The following UMAD1 variants were observed in gnomAD, a reference collection of about 807,000 sequenced individuals.
UMAD1 encodes the protein UBAP1-MVB12-associated (UMA)-domain containing protein 1.
UMAD1 carries 8 observed loss-of-function variants against 6.1 expected under a neutral mutation model. The ratio of observed to expected loss-of-function variants is 1.30; its 90% confidence interval spans 0.76 to 2.35. The LOEUF (loss-of-function observed/expected upper bound fraction) is 2.35. Among genes scored for constraint, UMAD1 ranks in the 30% most tolerant of loss-of-function variants. UMAD1 has a pLI of 0.00. For synonymous variants in UMAD1, 56 were observed against 31.4 expected (o/e 1.78, Z -2.61); for missense variants, 130 against 78.4 (o/e 1.66, Z -2.49).
intron 2 of UMAD1, among the ~76,000 whole-genome samples, chr7:7,676,574 T>G (rs1287890065): frequency 1.3e-5 from 2 of 152,220 alleles, no homozygotes; most frequent in Non-Finnish European, 2.9e-5. Context: ...TCTCTACAAT[T>G]GAAAAGAGAA....
intron 1 of UMAD1, among the ~76,000 whole-genome samples, chr7:7,657,897 T>C (rs2115085232): frequency 6.6e-6 from 1 of 152,352 alleles, no homozygotes; most frequent in Middle Eastern, 3.4e-3. Flanking sequence ...GTAAATTACT[T>C]TGGGCAGTAT....
In UMAD1 at chr7:7,673,349, C is replaced by T. The variant is rs988560337; in HGVS notation, c.-23C>T. 4 of 1,276,496 alleles carry T rather than the reference C, an allele frequency of 3.1e-6. No individual in the cohort carries two copies. The highest frequency in any genetic ancestry group is 1.5e-5 in the African/African-American group (1 of 65,612). The allele number at this position is 1,276,496 out of a possible 1,614,324, so 79.1% of individuals were successfully genotyped here. ...GCAGCAGCAGCAGCAGCAGCAGCAG[C>T]AGCAGCAGCAGCAGCAGCAGCAATG... On this transcript the variant is annotated 5_prime_UTR_variant, in exon 2 of 4. Coordinates refer to ENST00000682710, the MANE Select transcript of UMAD1 (RefSeq NM_001302348.2).
chr7:7,736,399 T>C (rs760756696), intron 2 of UMAD1: 4 of 153,074 alleles, frequency 2.6e-5, no homozygotes, highest in African/African-American at 4.8e-5. Flanking sequence ...TTGATGAAGG[T>C]GGGTTTAAAT....
chr7:7,680,396 A>G (rs1246545216), intron 2 of UMAD1, among the ~76,000 whole-genome samples: 1 of 152,050 alleles, frequency 6.6e-6, no homozygotes, highest in African/African-American at 2.4e-5. Context: ...CCATTCGTCC[A>G]TGTGTCTGTT....
At chr7:7,819,323 C>T (rs1783197566) in intron 3 of UMAD1, among the ~76,000 whole-genome samples, 1 of 152,184 alleles carries the variant, frequency 6.6e-6, no homozygotes, top group East Asian at 1.9e-4. Flanking sequence ...AATTTTAAGC[C>T]CCCATTTTTG....
chr7:7,764,423 A>G (rs1207115974), intron 2 of UMAD1, among the ~76,000 whole-genome samples: 6 of 152,258 alleles, frequency 3.9e-5, no homozygotes, highest in African/African-American at 1.4e-4. Context: ...TAGTAAGGCA[A>G]TATGAAGTTA....
At chr7:7,749,447 A>G (rs1781636792) in intron 2 of UMAD1, among the ~76,000 whole-genome samples, 1 of 152,184 alleles carries the variant, frequency 6.6e-6, no homozygotes, top group African/African-American at 2.4e-5. Flanking sequence ...TTTGAGGAAC[A>G]TTAGTTAATG....
At chr7:7,762,785 A>G (rs151111195) in intron 2 of UMAD1, among the ~76,000 whole-genome samples, 3 of 152,096 alleles carry the variant, frequency 2.0e-5, no homozygotes, top group African/African-American at 4.8e-5. Context: ...TGCACACTTA[A>G]CTCTTCACTT....
chr7:7,690,079 C>T (rs1356296524), intron 2 of UMAD1, among the ~76,000 whole-genome samples: 3 of 151,998 alleles, frequency 2.0e-5, no homozygotes, highest in East Asian at 1.9e-4. Flanking sequence ...ATTTTCCCAC[C>T]CATTTGATTT....
chr7:7,877,250 G>T (rs1319261385), intron 3 of UMAD1, 31 bp from the exon 4 acceptor site: 1 of 702,574 alleles, frequency 1.4e-6, no homozygotes. Flanking sequence ...AGTTCACAAG[G>T]CCTAAATGTT....
chr7:7,761,363 T>TA (rs375910269), intron 2 of UMAD1, among the ~76,000 whole-genome samples: 9,753 of 121,110 alleles, frequency 0.081, 868 homozygotes, highest in African/African-American at 0.19. Flanking sequence ...GAGACCTAAC[T>TA]AAAAAAAAAA....
At chr7:7,653,173 A>C (rs1240126231) in intron 1 of UMAD1, among the ~76,000 whole-genome samples, 1 of 152,218 alleles carries the variant, frequency 6.6e-6, no homozygotes, top group Non-Finnish European at 1.5e-5. Context: ...TGCAACACCA[A>C]ATGAAGTTGC....
intron 1 of UMAD1, among the ~76,000 whole-genome samples, chr7:7,649,481 G>A (rs538082536): frequency 6.6e-6 from 1 of 152,326 alleles, no homozygotes; most frequent in South Asian, 2.1e-4. Context: ...TGGCAATTAA[G>A]TTTCTAACAC....
chr7:7,793,988 ATGCTAAAG>A (rs1782619297), intron 2 of UMAD1, among the ~76,000 whole-genome samples: 1 of 152,176 alleles, frequency 6.6e-6, no homozygotes, highest in South Asian at 2.1e-4. Flanking sequence ...AATTTCTTAG[ATGCTAAAG>A]TGCATTAGGA....
At chr7:7,676,031 C>A in intron 2 of UMAD1, 1 of 397,842 alleles carries the variant, frequency 2.5e-6, no homozygotes, top group South Asian at 1.3e-4. Flanking sequence ...CAGTCAGCAT[C>A]ATGTCTCAGC....
At chr7:7,834,376 A>T (rs143939329) in intron 3 of UMAD1, among the ~76,000 whole-genome samples, 238 of 152,118 alleles carry the variant, frequency 1.6e-3, no homozygotes, top group African/African-American at 5.5e-3. Flanking sequence ...TAAATTTCCT[A>T]TCCTATTTCC....
chr7:7,719,889 G>A (rs530788211), intron 2 of UMAD1, among the ~76,000 whole-genome samples: 1 of 152,218 alleles, frequency 6.6e-6, no homozygotes, highest in African/African-American at 2.4e-5. Context: ...GTGTTTAAGT[G>A]GTACACTAAC....
intron 3 of UMAD1, among the ~76,000 whole-genome samples, chr7:7,836,570 T>C (rs1378193241): frequency 6.6e-6 from 1 of 151,994 alleles, no homozygotes; most frequent in Non-Finnish European, 1.5e-5. Flanking sequence ...AGGTCTCAGA[T>C]ATTGGTATAT....
rs1783061695 is a variant in UMAD1, at chr7:7,813,379, A to T, written c.156+11636A>T. On this transcript the variant is annotated intron_variant, in intron 3 of 3. Transcript: ENST00000682710. ...GACACCACGCCTGGCTAATTTTTGT[A>T]TTTTTTAGTAGAGACAGGGTTTCAC... is the stretch of plus-strand genomic sequence containing the variant. Among the ~76,000 whole-genome samples, 5 of 151,980 alleles carry T rather than the reference A, an allele frequency of 3.3e-5. No homozygotes were observed. The South Asian group carries it at 1.0e-3, about 32-fold the overall frequency.
Sources: gnomAD v4.1 joint callset for allele counts (sites outside exome capture counted in the v4.1 genomes callset) on GRCh38, gnomAD v4.1.1 for gene constraint, MANE v1.5 for transcripts, NCBI Gene and HGNC (gene_info 2026-07-23, HGNC 2026-07-21) for gene names.